OR52K1: variants seen among roughly 807,000 people sequenced by gnomAD.
OR52K1 encodes olfactory receptor family 52 subfamily K member 1.
OR52K1 carries 10 observed loss-of-function variants against 8.7 expected under a neutral mutation model. The ratio of observed to expected loss-of-function variants is 1.15; its 90% CI spans 0.71 to 1.95. OR52K1 has a LOEUF of 1.95. Among genes scored for constraint, OR52K1 ranks in the 30% most tolerant of loss-of-function variants. OR52K1 has a pLI of 0.00. For synonymous variants in OR52K1, 203 were observed against 148.5 expected, an observed-to-expected ratio of 1.37 and a Z score of -2.67; for missense variants, 431 against 397.2, an observed-to-expected ratio of 1.08 and a Z score of -0.72.
At chr11:4,488,520 A>G (rs1846338429) in intron 1 of OR52K1, 53 bp from the exon 2 acceptor site, 1 of 184,046 alleles carries the variant, frequency 5.4e-6, no homozygotes, top group African/African-American at 2.4e-5. Context: ...AATGGTACCA[A>G]TGTATGTGCT....
chr11:4,489,887 GA>G lies in OR52K1; in HGVS notation c.*44del. ...TTTTATCCCACTTGCCAAGTAATGA[GA>G]ATGCTGGATTGGGGTTGAGGGGAAA... On this transcript the variant is annotated 3_prime_UTR_variant, in exon 2 of 2. Coordinates refer to ENST00000641528, the MANE Select transcript of OR52K1 (RefSeq NM_001005171.3). The G allele has an allele frequency of 7.1e-7, 1 of 1,407,782 alleles. No homozygotes were observed. The highest frequency in any genetic ancestry group is 9.7e-7 in the Non-Finnish European group (1 of 1,027,488). 87.2% of individuals were successfully genotyped at this position (1,407,782 alleles called of 1,614,324 possible).
At chr11:4,483,901 T>A (rs1846300080) in intron 1 of OR52K1, among the ~76,000 whole-genome samples, 2 of 152,208 alleles carry the variant, frequency 1.3e-5, no homozygotes, top group African/African-American at 2.4e-5. Flanking sequence ...CTGACAAAAA[T>A]GCACAAACAT....
At chr11:4,483,246 T>C (rs563983217) in intron 1 of OR52K1, 70 bp downstream of exon 1, 1 of 398,394 alleles carries the variant, frequency 2.5e-6, no homozygotes, top group South Asian at 1.3e-4. Flanking sequence ...TATGTGATTA[T>C]CCTTCCTTGT....
Position 4,489,510 on chromosome 11 carries a change from G to A in OR52K1, c.610G>A (p.Val204Met), listed in dbSNP as rs1483573776. ...TSFNNIYGIA[V>M]AMFIVVLDLL... ...CTTCAACAATATCTATGGCATTGCTGTGGCCATGTTTATTGTGGTGTTGGA... is the reference window on the plus strand; with the variant it reads ...CTTCAACAATATCTATGGCATTGCTATGGCCATGTTTATTGTGGTGTTGGA... The change falls in exon 2 of 2, where the codon GTG becomes ATG. Residue 204 changes from valine to methionine, a missense_variant. Physicochemically the swap from Val to Met is conservative, Grantham distance 21 (BLOSUM62 1). Transcript: ENST00000641528. The A allele has an allele frequency of 6.2e-7, 1 of 1,614,102 alleles. No individual in the cohort carries two copies. The highest frequency in any genetic ancestry group is 8.5e-7 in the Non-Finnish European group (1 of 1,180,044).
In OR52K1 at chr11:4,489,468, G is replaced by T; in HGVS notation, c.568G>T (p.Ala190Ser). ...TGAACACATGGCTGTGGTAAGGCTG[G>T]CGTGTGGGGACACTAGCTTCAACAA... ...YCEHMAVVRL[A>S]CGDTSFNNIY... Residue 190 changes from alanine (A) to serine (S), a missense_variant, in exon 2 of 2, where the codon GCG becomes TCG. Coordinates refer to ENST00000641528, the MANE Select transcript of OR52K1 (RefSeq NM_001005171.3). 5 of 1,614,232 alleles carry T rather than the reference G, an allele frequency of 3.1e-6. No individual in the cohort carries two copies. The highest frequency in any genetic ancestry group is 4.2e-6 in the Non-Finnish European group (5 of 1,180,030).
At position 4,489,749 on chromosome 11, in the gene OR52K1, C is replaced by T; in HGVS notation, c.849C>T (p.Leu283=). The stretch of plus-strand genomic sequence containing the variant: ...ACATACTCCTTGCTATTTTCTATCT[C>T]CTTTTCCCACCCATGGTCAATCCTA... ...RVHILLAIFY[L]LFPPMVNPII... Residue 283 remains leucine, a synonymous_variant, in exon 2 of 2, where the codon CTC becomes CTT. Transcript: ENST00000641528. The T allele has an allele frequency of 6.2e-7, 1 of 1,614,194 alleles. No individual in the cohort carries two copies. Among genetic ancestry groups the T allele is most frequent in the Admixed American group, 1.7e-5 (1 of 60,022 alleles).
chr11:4,488,364 A>G (rs1256155523), intron 1 of OR52K1, among the ~76,000 whole-genome samples: 5 of 152,206 alleles, frequency 3.3e-5, no homozygotes, highest in Non-Finnish European at 7.3e-5. Context: ...CATATCAGAT[A>G]AAGTAGTTTT....
At position 4,489,805 on chromosome 11, in the gene OR52K1, G is replaced by A. The variant is rs572972458; in HGVS notation, c.905G>A (p.Arg302His). 3.0e-5 allele frequency: 49 copies of A among 1,613,028 alleles called. No homozygotes were observed. The East Asian group carries it at 4.5e-4, about 15-fold the overall frequency. ...IIYGVKTKQI[R>H]EYVLSLFQRK... The stretch of plus-strand genomic sequence containing the variant: ...TATGGAGTCAAGACCAAGCAGATTC[G>A]TGAGTATGTGCTCAGTCTATTCCAG... Residue 302 changes from arginine to histidine, a missense_variant, in exon 2 of 2, where the codon CGT (arginine) becomes CAT (histidine). Arg to His is a conservative substitution (Grantham distance 29, BLOSUM62 0). Coordinates refer to ENST00000641528, the MANE Select transcript of OR52K1 (RefSeq NM_001005171.3).
At chr11:4,484,665 A>G (rs1422471151) in intron 1 of OR52K1, among the ~76,000 whole-genome samples, 1 of 151,712 alleles carries the variant, frequency 6.6e-6, no homozygotes, top group Non-Finnish European at 1.5e-5. Context: ...TTGTTTCAGG[A>G]TATGTTTATA....
intron 1 of OR52K1, among the ~76,000 whole-genome samples, chr11:4,485,695 A>G (rs957918303): frequency 1.1e-4 from 17 of 152,090 alleles, no homozygotes; most frequent in African/African-American, 3.6e-4. Flanking sequence ...CTTTCCCCCA[A>G]TTCTACCCTT....
In OR52K1 at chr11:4,489,876, C is replaced by A; in HGVS notation, c.*31C>A. 1 of 1,462,390 alleles carries A rather than the reference C, an allele frequency of 6.8e-7. No individual in the cohort carries two copies. Among genetic ancestry groups the A allele is most frequent in the Non-Finnish European group, 9.3e-7 (1 of 1,073,578 alleles). The allele number at this position is 1,462,390 out of a possible 1,614,324, so 90.6% of individuals were successfully genotyped here. On this transcript the variant is annotated 3_prime_UTR_variant, in exon 2 of 2. Transcript: ENST00000641528. ...TAGTTCTCTTTTTTTATCCCACTTG[C>A]CAAGTAATGAGAATGCTGGATTGGG...
Position 4,492,148 on chromosome 11 carries a change from A to G in OR52K1, c.*2303A>G, listed in dbSNP as rs1053074174. On this transcript the variant is annotated 3_prime_UTR_variant, in exon 2 of 2. Coordinates refer to ENST00000641528, the MANE Select transcript of OR52K1 (RefSeq NM_001005171.3). ...TCTTTGCAAATTAAAGTGTGCATTA[A>G]CTTTCCTGCTTTCTTTCCCCTCTGC... The G allele has an allele frequency of 6.6e-6, 1 of 152,186 alleles. No individual in the cohort carries two copies. The highest frequency in any genetic ancestry group is 1.5e-5 in the Non-Finnish European group (1 of 68,040). The allele number at this position is 152,186 out of a possible 1,614,324, so 9.4% of individuals were successfully genotyped here.
In OR52K1 at chr11:4,492,687, G is replaced by C. The variant is rs1027813347; in HGVS notation, c.*2842G>C. ...AACTCTCATAATGAACACTTCTTCA[G>C]TCAGTTCTACAAAAAGAAGCTCCCA... On this transcript the variant is annotated 3_prime_UTR_variant, in exon 2 of 2. Coordinates refer to ENST00000641528, the MANE Select transcript of OR52K1 (RefSeq NM_001005171.3). The C allele has an allele frequency of 6.6e-6, 1 of 152,146 alleles. No homozygotes were observed. Among genetic ancestry groups the C allele is most frequent in the African/African-American group, 2.4e-5 (1 of 41,414 alleles). The allele number at this position is 152,146 out of a possible 1,614,324, so 9.4% of individuals were successfully genotyped here. A position where few individuals can be genotyped will look rare whatever the true frequency, so the allele number is the denominator to read the frequency against.
chr11:4,489,777 A>T lies in OR52K1; in HGVS notation c.877A>T (p.Ile293Leu), dbSNP rs147724725. 10 of 1,613,970 alleles carry T rather than the reference A, an allele frequency of 6.2e-6. No homozygotes were observed. In the African/African-American group the frequency reaches 9.3e-5, roughly 15 times the overall value. Residue 293 changes from isoleucine to leucine, a missense_variant, in exon 2 of 2, where the codon ATA (isoleucine) becomes TTA (leucine). Physicochemically the swap from Ile to Leu is conservative, Grantham distance 5 (BLOSUM62 2). Coordinates refer to ENST00000641528, the MANE Select transcript of OR52K1 (RefSeq NM_001005171.3). Reference protein sequence around the residue: ...LLFPPMVNPIIYGVKTKQIRE... With the variant: ...LLFPPMVNPILYGVKTKQIRE... ...TTTCCCACCCATGGTCAATCCTATCATATATGGAGTCAAGACCAAGCAGAT... is the reference window on the plus strand; with the variant it reads ...TTTCCCACCCATGGTCAATCCTATCTTATATGGAGTCAAGACCAAGCAGAT...
rs1035185671 is a variant in OR52K1, at chr11:4,490,616, C to T, written c.*771C>T. ...ATGAACCATGAAAAGAGAAATAACA[C>T]CCTTCCCTCTTGAAGCTGAGATTTC... On this transcript the variant is annotated 3_prime_UTR_variant, in exon 2 of 2. Transcript: ENST00000641528. 2.0e-5 allele frequency: 3 copies of T among 152,280 alleles called. 1 individual carries two copies. The South Asian group carries it at 6.2e-4, about 32-fold the overall frequency. 9.4% of individuals were successfully genotyped at this position (152,280 alleles called of 1,614,324 possible).
Position 4,485,182 on chromosome 11 carries a change from G to C in OR52K1, c.-329+2006G>C, listed in dbSNP as rs560734578. ...ATATACTAAGATAGTACATTATTTG[G>C]GGATGTTTCTATCTTAATAGTTTCC... On this transcript the variant is annotated intron_variant, in intron 1 of 1. Transcript: ENST00000641528. Among the ~76,000 whole-genome samples the C allele has an allele frequency of 4.8e-5, 7 of 146,490 alleles. No homozygotes were observed. In the South Asian group the frequency reaches 1.2e-3, roughly 26 times the overall value.
In OR52K1 at chr11:4,489,607, G is replaced by A. The variant is rs376724184; in HGVS notation, c.707G>A (p.Arg236His). 7.4e-6 allele frequency: 12 copies of A among 1,613,984 alleles called. No homozygotes were observed. The highest frequency in any genetic ancestry group is 4.0e-5 in the African/African-American group (3 of 74,920). ...CTCCAGCTTGCCTCTCAGGAGGCCC[G>A]CTACAAGGCATTTGGGACATGTGTG... ...AVLQLASQEA[R>H]YKAFGTCVSH... is the part of the protein sequence containing the mutation. The change falls in exon 2 of 2, where the codon CGC (arginine) becomes CAC (histidine). Residue 236 changes from arginine (R) to histidine (H), a missense_variant. Transcript: ENST00000641528.
intron 1 of OR52K1, among the ~76,000 whole-genome samples, chr11:4,483,978 T>C (rs1846300761): frequency 6.6e-6 from 1 of 152,190 alleles, no homozygotes; most frequent in South Asian, 2.1e-4. Flanking sequence ...TAACAAAGTA[T>C]TGTAATCGGG....
Position 4,488,788 on chromosome 11 carries a change from T to A in OR52K1, c.-113T>A, listed in dbSNP as rs1846340642. ...AAAGTCTAGCAATGGAAACAAGAGGTAATCTTTGCAGGTGGGATAGCACAG... is the reference window on the plus strand; with the variant it reads ...AAAGTCTAGCAATGGAAACAAGAGGAAATCTTTGCAGGTGGGATAGCACAG... On this transcript the variant is annotated 5_prime_UTR_variant, in exon 2 of 2. The change abolishes the stop of an existing upstream ORF in the 5' untranslated region. Coordinates refer to ENST00000641528, the MANE Select transcript of OR52K1 (RefSeq NM_001005171.3). The A allele has an allele frequency of 1.1e-5, 8 of 731,262 alleles. No individual in the cohort carries two copies. In the South Asian group the frequency reaches 1.4e-4, roughly 13 times the overall value. 45.3% of individuals were successfully genotyped at this position (731,262 alleles called of 1,614,324 possible). A position where few individuals can be genotyped will look rare whatever the true frequency, so the allele number is the denominator to read the frequency against.
Sources: gnomAD v4.1 joint callset for allele counts (sites outside exome capture counted in the v4.1 genomes callset) on GRCh38, gnomAD v4.1.1 for gene constraint, MANE v1.5 for transcripts, NCBI Gene and HGNC (gene_info 2026-07-23, HGNC 2026-07-21) for gene names.